AKAP19: variants seen among roughly 807,000 people sequenced by gnomAD.
AKAP19 encodes the protein A-kinase anchoring protein 19, also known as small A-kinase anchoring protein.
At chr2:189,890,026 A>G in the AKAP19 span, among the ~76,000 whole-genome samples, 17,289 of 151,976 alleles carry the variant, frequency 0.11, 1,509 homozygotes, top group African/African-American at 0.23. Context: ...TAGGGTGTCA[A>G]TTTTGCATCT....
At chr2:189,955,787 T>A in the AKAP19 span, among the ~76,000 whole-genome samples, 3 of 152,210 alleles carry the variant, frequency 2.0e-5, no homozygotes, top group Non-Finnish European at 2.9e-5. Context: ...CACCATCATG[T>A]GACAAAGTGG....
At chr2:189,994,201 AG>A in the AKAP19 span, among the ~76,000 whole-genome samples, 1 of 151,816 alleles carries the variant, frequency 6.6e-6, no homozygotes, top group African/African-American at 2.4e-5. Context: ...TAGTAGAGAC[AG>A]GGTTTCACTA....
the AKAP19 span, among the ~76,000 whole-genome samples, chr2:190,013,988 T>G: frequency 6.6e-6 from 1 of 152,188 alleles, no homozygotes; most frequent in Non-Finnish European, 1.5e-5. Context: ...TAGTTGTTCT[T>G]TTTCTAGTTC....
the AKAP19 span, among the ~76,000 whole-genome samples, chr2:190,024,013 A>G: frequency 6.6e-6 from 1 of 152,014 alleles, no homozygotes; most frequent in South Asian, 2.1e-4. Flanking sequence ...ATAAACGTAT[A>G]CCTATTGCTG....
At chr2:190,034,758 G>A in the AKAP19 span, among the ~76,000 whole-genome samples, 1 of 148,632 alleles carries the variant, frequency 6.7e-6, no homozygotes, top group East Asian at 2.0e-4. Flanking sequence ...GGAGGCTGAG[G>A]TGAGAGAATC....
chr2:189,906,078 AAT>A, the AKAP19 span, among the ~76,000 whole-genome samples: 2 of 152,040 alleles, frequency 1.3e-5, no homozygotes, highest in Non-Finnish European at 2.9e-5. Flanking sequence ...CCAAGCATTT[AAT>A]ATGTCAGGAA....
At chr2:189,933,287 G>A in the AKAP19 span, among the ~76,000 whole-genome samples, 1 of 152,156 alleles carries the variant, frequency 6.6e-6, no homozygotes, top group Non-Finnish European at 1.5e-5. Flanking sequence ...ATGTGAGAGT[G>A]GGGGCAGAAA....
chr2:190,014,889 T>C, the AKAP19 span, among the ~76,000 whole-genome samples: 1 of 152,264 alleles, frequency 6.6e-6, no homozygotes, highest in Admixed American at 6.5e-5. Context: ...ATCTTAGGGC[T>C]CCAAAATGAT....
chr2:190,086,752 T>C, the AKAP19 span, among the ~76,000 whole-genome samples: 2 of 152,228 alleles, frequency 1.3e-5, no homozygotes, highest in African/African-American at 4.8e-5. Flanking sequence ...GATATGGATA[T>C]GAAAGGAGTT....
the AKAP19 span, chr2:190,060,282 A>C: frequency 1.9e-6 from 3 of 1,613,126 alleles, no homozygotes; most frequent in Non-Finnish European, 2.5e-6. Context: ...AGGTTTGATG[A>C]GTCTCAGGAT....
chr2:190,108,783 GTTTTT>G, the AKAP19 span, among the ~76,000 whole-genome samples: 1 of 135,676 alleles, frequency 7.4e-6, no homozygotes, highest in Admixed American at 7.4e-5. Flanking sequence ...CCTGTTTGCG[GTTTTT>G]TTTTTTTTTT....
the AKAP19 span, among the ~76,000 whole-genome samples, chr2:190,091,175 A>G: frequency 6.6e-6 from 1 of 152,230 alleles, no homozygotes; most frequent in African/African-American, 2.4e-5. Context: ...ATAAAGTTCA[A>G]CAATATACTG....
At chr2:190,070,614 TCCC>T in the AKAP19 span, among the ~76,000 whole-genome samples, 6,972 of 119,122 alleles carry the variant, frequency 0.059, 385 homozygotes, top group African/African-American at 0.15. Context: ...TCCCTCTCTC[TCCC>T]CCCCCCCTTT....
chr2:190,149,382 TTG>T, the AKAP19 span, among the ~76,000 whole-genome samples: 2,223 of 152,288 alleles, frequency 0.015, 52 homozygotes, highest in African/African-American at 0.05. Context: ...TGGTTTGTTC[TTG>T]TTTCTCTAGT....
chr2:190,006,532 C>A, the AKAP19 span, among the ~76,000 whole-genome samples: 2 of 151,620 alleles, frequency 1.3e-5, no homozygotes. Context: ...TGCCTGTAGT[C>A]CCAGCTACTG....
At chr2:189,975,482 T>C in the AKAP19 span, among the ~76,000 whole-genome samples, 1 of 151,960 alleles carries the variant, frequency 6.6e-6, no homozygotes, top group African/African-American at 2.4e-5. Flanking sequence ...TCTCGAGGAG[T>C]ATCTTTGTGG....
chr2:190,073,520 C>G, the AKAP19 span, among the ~76,000 whole-genome samples: 2 of 151,832 alleles, frequency 1.3e-5, no homozygotes, highest in Non-Finnish European at 2.9e-5. Context: ...AATATTAATA[C>G]TCTAAAAGCC....
chr2:189,900,704 T>C, the AKAP19 span, among the ~76,000 whole-genome samples: 6 of 152,278 alleles, frequency 3.9e-5, no homozygotes, highest in East Asian at 1.2e-3. Flanking sequence ...GGGTGTCGAC[T>C]CTCTGGGGCC....
the AKAP19 span, among the ~76,000 whole-genome samples, chr2:190,102,223 A>G: frequency 1.3e-5 from 2 of 152,174 alleles, no homozygotes; most frequent in African/African-American, 4.8e-5. Flanking sequence ...CTAAACACTT[A>G]CCTCAAAAAA....
Sources: gnomAD v4.1 joint callset for allele counts (sites outside exome capture counted in the v4.1 genomes callset) on GRCh38, gnomAD v4.1.1 for gene constraint, MANE v1.5 for transcripts, NCBI Gene and HGNC (gene_info 2026-07-23, HGNC 2026-07-21) for gene names.